The following TTLL9 variants were observed in gnomAD, a reference collection of about 807,000 sequenced individuals.
TTLL9 encodes the protein tubulin tyrosine ligase like 9, also known as probable tubulin polyglutamylase TTLL9.
Under a neutral mutation model 65.6 loss-of-function variants are expected in TTLL9, and 47 were observed. The ratio of observed to expected loss-of-function variants is 0.72; its 90% confidence interval spans 0.57 to 0.91. The LOEUF is 0.91. TTLL9 is among the 40% of genes least tolerant of loss of function. The probability of loss-of-function intolerance (pLI) is 0.00; values close to 1 mark genes in which losing one functional copy is unlikely to be tolerated. For missense variants in TTLL9, 537 were observed against 568.8 expected (o/e 0.94, Z 0.57); for synonymous variants, 179 against 204.8 (o/e 0.87, Z 1.07).
At position 31,908,719 on chromosome 20, in the gene TTLL9, G is replaced by A. The variant is rs1338599950; in HGVS notation, c.318+17G>A. On this transcript the variant is annotated intron_variant, in intron 5 of 14. Coordinates refer to ENST00000535842, the MANE Select transcript of TTLL9 (RefSeq NM_001008409.5). Reference sequence around the variant, plus strand: ...CACTATGAGGTGAGCTGGGCAGGCGGGAGGGACTGTGCCAACCAACTCATG... The same window carrying A: ...CACTATGAGGTGAGCTGGGCAGGCGAGAGGGACTGTGCCAACCAACTCATG... 2.5e-6 allele frequency: 4 copies of A among 1,600,170 alleles called. No homozygotes were observed. Among genetic ancestry groups the A allele is most frequent in the Non-Finnish European group, 3.4e-6 (4 of 1,168,062 alleles).
Position 31,934,905 on chromosome 20 carries a change from G to A in TTLL9, c.1004+17G>A. 6.2e-7 allele frequency: 1 copy of A among 1,602,446 alleles called. No individual in the cohort carries two copies. Among genetic ancestry groups the A allele is most frequent in the Non-Finnish European group, 8.5e-7 (1 of 1,172,824 alleles). The stretch of plus-strand genomic sequence containing the variant: ...CCTCAAGCCGTAAGTGGGTGGGTGG[G>A]AGAGCCAGGAGGTCATAGTTTGCAT... On this transcript the variant is annotated intron_variant, in intron 12 of 14. Coordinates refer to ENST00000535842, the MANE Select transcript of TTLL9 (RefSeq NM_001008409.5).
At chr20:31,893,992 A>C (rs751605341) in intron 3 of TTLL9, among the ~76,000 whole-genome samples, 3 of 152,024 alleles carry the variant, frequency 2.0e-5, no homozygotes, top group Non-Finnish European at 4.4e-5. Flanking sequence ...GACTGTTTTC[A>C]AATGTACGGT....
At chr20:31,935,604 C>T (rs1396116033) in intron 12 of TTLL9, among the ~76,000 whole-genome samples, 2 of 152,238 alleles carry the variant, frequency 1.3e-5, no homozygotes, top group African/African-American at 2.4e-5. Flanking sequence ...CCTTGCTCAA[C>T]GGAAACAGGG....
At chr20:31,873,254 C>A (rs2062963536) in intron 2 of TTLL9, among the ~76,000 whole-genome samples, 1 of 152,162 alleles carries the variant, frequency 6.6e-6, no homozygotes, top group African/African-American at 2.4e-5. Context: ...GGGGTGTTCA[C>A]CAATTCAACA....
At chr20:31,914,956 T>G (rs1428108260) in intron 6 of TTLL9, among the ~76,000 whole-genome samples, 6 of 152,240 alleles carry the variant, frequency 3.9e-5, no homozygotes, top group African/African-American at 1.4e-4. Flanking sequence ...CACAAGCGAT[T>G]ACAAAATTAT....
At chr20:31,886,115 C>T (rs6061016) in intron 2 of TTLL9, among the ~76,000 whole-genome samples, 18,629 of 152,236 alleles carry the variant, frequency 0.12, 1,365 homozygotes, top group Middle Eastern at 0.23. Flanking sequence ...CCAGCCATCA[C>T]CTTGACTGTG....
In TTLL9 at chr20:31,933,826, C is replaced by T; in HGVS notation, c.775C>T (p.Gln259Ter). 6.2e-7 allele frequency: 1 copy of T among 1,614,042 alleles called. No individual in the cohort carries two copies. Among genetic ancestry groups the T allele is most frequent in the South Asian group, 1.1e-5 (1 of 91,068 alleles). The change falls in exon 11 of 15, where the codon CAA becomes TAA. Residue 259 changes from glutamine to a stop codon, truncating the protein, a stop_gained. Transcript: ENST00000535842. LOFTEE classifies it high-confidence loss of function. ...TGTTCACCTCACCAACGTGGCTGTG[C>T]AAAAAACATCTCCCGACTACCACCC... ...QDVHLTNVAV[Q>*]KTSPDYHPKK...
intron 14 of TTLL9, chr20:31,941,170 T>C (rs935275727): frequency 2.0e-5 from 3 of 147,842 alleles, no homozygotes; most frequent in Non-Finnish European, 3.0e-5. Flanking sequence ...TGAGCCGAGA[T>C]TGCGCCACTG....
chr20:31,886,223 A>G (rs1166861485), intron 2 of TTLL9, among the ~76,000 whole-genome samples: 1 of 152,226 alleles, frequency 6.6e-6, no homozygotes, highest in Non-Finnish European at 1.5e-5. Flanking sequence ...TAAGCCACTG[A>G]TTTTGTGGTA....
At position 31,908,574 on chromosome 20, in the gene TTLL9, C is replaced by A; in HGVS notation, c.207-17C>A. 6.3e-7 allele frequency: 1 copy of A among 1,591,616 alleles called. No individual in the cohort carries two copies. The highest frequency in any genetic ancestry group is 8.6e-7 in the Non-Finnish European group (1 of 1,159,758). On this transcript the variant is annotated splice_polypyrimidine_tract_variant and intron_variant, in intron 4 of 14. Transcript: ENST00000535842. ...CTCAGACCATGACCTTTATCCCCGC[C>A]CCCACCCCACCCCCAGCGAAGGGGA...
At chr20:31,910,850 G>C (rs78160625) in intron 6 of TTLL9, among the ~76,000 whole-genome samples, 10,928 of 152,206 alleles carry the variant, frequency 0.072, 413 homozygotes, top group Middle Eastern at 0.2. Flanking sequence ...GCAAAGGCTT[G>C]GTATCAGGAG....
intron 6 of TTLL9, among the ~76,000 whole-genome samples, chr20:31,914,640 A>G (rs2063706958): frequency 6.6e-6 from 1 of 152,222 alleles, no homozygotes; most frequent in Non-Finnish European, 1.5e-5. Flanking sequence ...CTGGGAGAGA[A>G]TCAGGCCTCC....
intron 4 of TTLL9, chr20:31,901,336 G>A (rs1600558253): frequency 6.6e-6 from 1 of 152,178 alleles, no homozygotes; most frequent in African/African-American, 2.4e-5. Flanking sequence ...CCGATGTGCT[G>A]ACCCCTGCGA....
At chr20:31,900,030 G>A (rs2063452792) in intron 4 of TTLL9, among the ~76,000 whole-genome samples, 1 of 152,202 alleles carries the variant, frequency 6.6e-6, no homozygotes, top group Non-Finnish European at 1.5e-5. Context: ...GAAGTGCTGG[G>A]ATTACAGGCG....
intron 14 of TTLL9, chr20:31,940,877 T>G (rs547187187): frequency 1.2e-4 from 19 of 152,296 alleles, no homozygotes; most frequent in African/African-American, 4.6e-4. Context: ...GTCATTCTGC[T>G]ACAATCAAAG....
intron 10 of TTLL9, among the ~76,000 whole-genome samples, chr20:31,927,114 C>CA (rs529572999): frequency 0.011 from 1,431 of 131,792 alleles, 15 homozygotes; most frequent in African/African-American, 0.026. Context: ...GACTGTATGT[C>CA]AAAAAAAAAA....
chr20:31,887,896 C>CTCTTCTCTTT (rs2063220059), intron 3 of TTLL9, among the ~76,000 whole-genome samples: 1 of 148,966 alleles, frequency 6.7e-6, no homozygotes, highest in African/African-American at 2.6e-5. Context: ...CTCTTCTCTT[C>CTCTTCTCTTT]TCTTCTCTTT....
intron 6 of TTLL9, among the ~76,000 whole-genome samples, chr20:31,911,953 G>T (rs1237063474): frequency 6.6e-6 from 1 of 151,642 alleles, no homozygotes; most frequent in Non-Finnish European, 1.5e-5. Flanking sequence ...TTCTGGCATG[G>T]GTTCTAATTC....
chr20:31,880,696 T>G (rs1600518714), intron 2 of TTLL9, among the ~76,000 whole-genome samples: 1 of 152,186 alleles, frequency 6.6e-6, no homozygotes, highest in South Asian at 2.1e-4. Context: ...TTTCACTATG[T>G]TGGCCAGGTC....
Sources: gnomAD v4.1 joint callset for allele counts (sites outside exome capture counted in the v4.1 genomes callset) on GRCh38, gnomAD v4.1.1 for gene constraint, MANE v1.5 for transcripts, NCBI Gene and HGNC (gene_info 2026-07-23, HGNC 2026-07-21) for gene names.